PDE11A: variants seen among roughly 807,000 people sequenced by gnomAD.
The protein encoded by PDE11A is dual 3',5'-cyclic-AMP and -GMP phosphodiesterase 11A.
Under a neutral mutation model 100.5 loss-of-function variants are expected in PDE11A, and 100 were observed. That is an observed-to-expected ratio of 1.00 (90% CI 0.85 to 1.18). The LOEUF is 1.18. PDE11A is among the 50% of genes most tolerant of loss of function. The pLI is 0.00. For missense variants in PDE11A, 1,141 were observed against 1,152.6 expected (o/e 0.99, Z 0.15); for synonymous variants, 381 against 420.8 (o/e 0.91, Z 1.16).
Position 177,965,350 on chromosome 2 carries a change from C to T in PDE11A, c.1071+48952G>A, listed in dbSNP as rs1236692683. ...TTTACTCTGTTGATAGTTTCTTTTGCTGTGGAGAAGCTCCTTAATTAGTTC... is the reference window on the plus strand; with the variant it reads ...TTTACTCTGTTGATAGTTTCTTTTGTTGTGGAGAAGCTCCTTAATTAGTTC... On this transcript the variant is annotated intron_variant, in intron 2 of 19. Coordinates refer to ENST00000286063, the MANE Select transcript of PDE11A (RefSeq NM_016953.4). 2.0e-5 allele frequency among the ~76,000 whole-genome samples: 3 copies of T among 152,122 alleles called. No homozygotes were observed. In the East Asian group the frequency reaches 5.8e-4, roughly 29 times the overall value.
At chr2:177,940,202 A>G (rs568509636) in intron 2 of PDE11A, among the ~76,000 whole-genome samples, 7 of 152,296 alleles carry the variant, frequency 4.6e-5, no homozygotes, top group African/African-American at 1.7e-4. Flanking sequence ...TCTGCACAGG[A>G]TGAAGCTTTC....
chr2:177,725,322 C>G (rs34952652), intron 12 of PDE11A, among the ~76,000 whole-genome samples: 24,629 of 152,120 alleles, frequency 0.16, 2,188 homozygotes, highest in Middle Eastern at 0.27. Context: ...TAGAGAGAAA[C>G]AAATGTTGAC....
At chr2:177,862,119 A>C (rs1328210835) in intron 5 of PDE11A, among the ~76,000 whole-genome samples, 1 of 151,938 alleles carries the variant, frequency 6.6e-6, no homozygotes, top group Non-Finnish European at 1.5e-5. Context: ...GAAAGTGAGA[A>C]GACAACTCAG....
chr2:178,077,582 T>A (rs576081286), upstream of PDE11A, among the ~76,000 whole-genome samples: 211 of 152,264 alleles, frequency 1.4e-3, no homozygotes, highest in African/African-American at 5.0e-3. Context: ...AACGTAAAAA[T>A]GGCACATTAA....
upstream of PDE11A, among the ~76,000 whole-genome samples, chr2:178,074,259 TG>T (rs1164135676): frequency 6.6e-6 from 1 of 151,266 alleles, no homozygotes; most frequent in East Asian, 2.0e-4. Flanking sequence ...TTGGGGGGTG[TG>T]GGGGGTAATA....
At chr2:177,735,401 G>GA (rs199664720) in intron 10 of PDE11A, among the ~76,000 whole-genome samples, 1,459 of 144,612 alleles carry the variant, frequency 0.01, 9 homozygotes, top group South Asian at 0.014. Context: ...ATGATTCGTG[G>GA]AAAAAAAAAA....
At chr2:177,932,030 G>A (rs981010979) in intron 2 of PDE11A, among the ~76,000 whole-genome samples, 10 of 151,514 alleles carry the variant, frequency 6.6e-5, no homozygotes, top group Non-Finnish European at 1.2e-4. Flanking sequence ...AGATGATTAC[G>A]ACACCTCTAT....
chr2:177,632,146 T>C (rs4893972), intron 19 of PDE11A, among the ~76,000 whole-genome samples: 101,743 of 152,122 alleles, frequency 0.67, 37,589 homozygotes, highest in East Asian at 0.86. Flanking sequence ...CTGCTGAGGA[T>C]GTAACATAAA....
intron 10 of PDE11A, among the ~76,000 whole-genome samples, chr2:177,765,287 G>A (rs545413448): frequency 6.6e-6 from 1 of 152,334 alleles, no homozygotes; most frequent in African/African-American, 2.4e-5. Flanking sequence ...CATCAGCCTA[G>A]CATTAATGAT....
intron 18 of PDE11A, among the ~76,000 whole-genome samples, chr2:177,666,488 C>T (rs532151800): frequency 1.3e-5 from 2 of 152,310 alleles, no homozygotes; most frequent in South Asian, 4.1e-4. Flanking sequence ...TTTTTCAAAA[C>T]AGCTGCACCA....
At chr2:178,104,475 C>T in exon 2 of PDE11A, 1 of 1,613,430 alleles carries the variant, frequency 6.2e-7, no homozygotes, top group South Asian at 1.1e-5. Context: ...TCCCATGTTG[C>T]TCTGCAATGG....
At chr2:178,044,510 C>T (rs2086725796) in intron 1 of PDE11A, among the ~76,000 whole-genome samples, 1 of 125,620 alleles carries the variant, frequency 8.0e-6, no homozygotes, top group African/African-American at 2.9e-5. Context: ...ATAATATAAA[C>T]AATATAAAAC....
In PDE11A at chr2:177,634,388, C is replaced by CTTTTTTT. The variant is rs1198925669; in HGVS notation, c.2647-4827_2647-4826insAAAAAAA. ...TCTTGAAAACTTACTTTTTCTCTCT[C>CTTTTTTT]TCTTTTTTTTTTTTTTGTGAGAAGG... On this transcript the variant is annotated intron_variant, in intron 19 of 19. Coordinates refer to ENST00000286063, the MANE Select transcript of PDE11A (RefSeq NM_016953.4). Among the ~76,000 whole-genome samples, 25 of 61,096 alleles carry CTTTTTTT rather than the reference C, an allele frequency of 4.1e-4. 1 individual carries two copies. Among genetic ancestry groups the CTTTTTTT allele is most frequent in the Non-Finnish European group, 4.3e-4 (9 of 20,704 alleles). The allele number at this position is 61,096 out of a possible 152,430, so 40.1% of individuals were successfully genotyped here.
intron 6 of PDE11A, among the ~76,000 whole-genome samples, chr2:177,835,875 G>A (rs781650126): frequency 7.2e-5 from 11 of 152,214 alleles, no homozygotes; most frequent in East Asian, 1.9e-4. Context: ...CTGGCGCTGC[G>A]CTCAAATTCT....
At chr2:177,731,753 A>C (rs2081694627) in intron 10 of PDE11A, among the ~76,000 whole-genome samples, 1 of 152,162 alleles carries the variant, frequency 6.6e-6, no homozygotes, top group African/African-American at 2.4e-5. Flanking sequence ...TTCCTGAGCT[A>C]TCTGTGGGGA....
At chr2:177,939,061 G>T (rs1184822462) in intron 2 of PDE11A, among the ~76,000 whole-genome samples, 1 of 152,188 alleles carries the variant, frequency 6.6e-6, no homozygotes, top group African/African-American at 2.4e-5. Context: ...ATACATTTCT[G>T]TTGTTTAAGC....
chr2:177,913,957 T>G (rs540420069), intron 2 of PDE11A, among the ~76,000 whole-genome samples: 2 of 152,178 alleles, frequency 1.3e-5, no homozygotes, highest in Non-Finnish European at 2.9e-5. Flanking sequence ...CAAATCATCC[T>G]CCAAAAAGGC....
intron 2 of PDE11A, among the ~76,000 whole-genome samples, chr2:177,909,253 CAA>C (rs1219548054): frequency 2.0e-5 from 3 of 152,114 alleles, no homozygotes; most frequent in African/African-American, 7.2e-5. Flanking sequence ...TTTTGAATGG[CAA>C]AAGAGACTCC....
chr2:177,942,506 G>A (rs1211731537), intron 2 of PDE11A, among the ~76,000 whole-genome samples: 1 of 151,390 alleles, frequency 6.6e-6, no homozygotes, highest in Non-Finnish European at 1.5e-5. Flanking sequence ...AGATTCAAGT[G>A]ATTCTCCTGC....
Sources: allele counts gnomAD v4.1 joint callset (sites outside exome capture counted in the v4.1 genomes callset), GRCh38; gene constraint gnomAD v4.1.1; transcripts MANE v1.5; gene names NCBI Gene and HGNC (gene_info 2026-07-23, HGNC 2026-07-21).